The following SMIM31 variants were observed in gnomAD, a reference collection of about 807,000 sequenced individuals.
SMIM31 encodes small integral membrane protein 31.
At chr4:164,784,649 T>C (rs906444549) in intron 2 of SMIM31, among the ~76,000 whole-genome samples, 1 of 152,176 alleles carries the variant, frequency 6.6e-6, no homozygotes, top group Admixed American at 6.5e-5. Flanking sequence ...CCTACAGTGC[T>C]GAAATGGAAA....
At chr4:164,798,234 T>TA (rs1056011959) in intron 2 of SMIM31, among the ~76,000 whole-genome samples, 63 of 148,970 alleles carry the variant, frequency 4.2e-4, no homozygotes, top group East Asian at 1.4e-3. Flanking sequence ...ATTTTTATTT[T>TA]TTTTTTTTAT....
intron 2 of SMIM31, among the ~76,000 whole-genome samples, chr4:164,775,125 C>A (rs1326553632): frequency 6.6e-6 from 1 of 152,178 alleles, no homozygotes; most frequent in Non-Finnish European, 1.5e-5. Context: ...ATTCCACCAA[C>A]CTTTTATTTT....
chr4:164,779,455 T>C (rs1378504717), intron 2 of SMIM31, among the ~76,000 whole-genome samples: 1 of 152,224 alleles, frequency 6.6e-6, no homozygotes, highest in Non-Finnish European at 1.5e-5. Flanking sequence ...AAACTGAGAT[T>C]AGTGGCCAAT....
chr4:164,788,478 CTTTTTTT>C (rs72177805), intron 2 of SMIM31, among the ~76,000 whole-genome samples: 186 of 58,174 alleles, frequency 3.2e-3, no homozygotes, highest in East Asian at 6.7e-3. Context: ...TCTAATTTTT[CTTTTTTT>C]TTTTTTTTTT....
intron 2 of SMIM31, among the ~76,000 whole-genome samples, chr4:164,791,406 T>G (rs960475412): frequency 5.9e-5 from 9 of 152,132 alleles, no homozygotes; most frequent in Non-Finnish European, 1.0e-4. Context: ...GATCTCAGCT[T>G]ACTGCAACTT....
intron 2 of SMIM31, among the ~76,000 whole-genome samples, chr4:164,792,758 G>T (rs1353109334): frequency 2.0e-5 from 3 of 151,886 alleles, no homozygotes; most frequent in East Asian, 1.9e-4. Context: ...TTTTTTTGCA[G>T]AAATAAAAAA....
chr4:164,763,709 G>T (rs1732681586), intron 1 of SMIM31, among the ~76,000 whole-genome samples: 1 of 152,152 alleles, frequency 6.6e-6, no homozygotes, highest in Non-Finnish European at 1.5e-5. Flanking sequence ...AGTACATTTA[G>T]CTTGTTCTTA....
intron 2 of SMIM31, among the ~76,000 whole-genome samples, chr4:164,797,879 C>A (rs1200770442): frequency 6.6e-6 from 1 of 152,124 alleles, no homozygotes; most frequent in Non-Finnish European, 1.5e-5. Context: ...ACCCTCACTA[C>A]TCTCCCACCC....
chr4:164,777,981 A>C (rs1732898829), intron 2 of SMIM31, among the ~76,000 whole-genome samples: 1 of 152,270 alleles, frequency 6.6e-6, no homozygotes, highest in Non-Finnish European at 1.5e-5. Context: ...TCGGTTCATA[A>C]AGAAAAATTG....
At chr4:164,795,865 C>T (rs985013278) in intron 2 of SMIM31, among the ~76,000 whole-genome samples, 7 of 152,158 alleles carry the variant, frequency 4.6e-5, no homozygotes, top group Non-Finnish European at 1.0e-4. Context: ...AACCTCTGCC[C>T]TCCAAGAAAG....
chr4:164,771,567 C>T (rs1290185828), intron 2 of SMIM31, among the ~76,000 whole-genome samples: 3 of 151,518 alleles, frequency 2.0e-5, no homozygotes, highest in East Asian at 1.9e-4. Flanking sequence ...TTTGGGAGGC[C>T]GAGGCAGGCG....
intron 2 of SMIM31, among the ~76,000 whole-genome samples, chr4:164,773,249 T>C (rs115524946): frequency 7.8e-4 from 119 of 152,264 alleles, no homozygotes; most frequent in African/African-American, 2.7e-3. Context: ...AATTTGTGAT[T>C]AGTCACTCCT....
intron 2 of SMIM31, among the ~76,000 whole-genome samples, chr4:164,784,755 C>G (rs1733004614): frequency 6.6e-6 from 1 of 152,116 alleles, no homozygotes; most frequent in Admixed American, 6.5e-5. Flanking sequence ...TGTGCCATAG[C>G]TGGGCTCATT....
chr4:164,782,373 TTTTA>T (rs201383057), intron 2 of SMIM31, among the ~76,000 whole-genome samples: 10 of 130,720 alleles, frequency 7.6e-5, no homozygotes, highest in African/African-American at 3.5e-4. Flanking sequence ...TATCTCTTTC[TTTTA>T]TTTTTTTTTT....
chr4:164,782,783 G>T (rs1732972597), intron 2 of SMIM31, among the ~76,000 whole-genome samples: 1 of 151,782 alleles, frequency 6.6e-6, no homozygotes, highest in South Asian at 2.1e-4. Flanking sequence ...GTACTGCAAG[G>T]TTTAACTAAA....
intron 2 of SMIM31, among the ~76,000 whole-genome samples, chr4:164,781,129 T>C (rs9762174): frequency 1.4e-5 from 2 of 144,450 alleles, no homozygotes; most frequent in Admixed American, 7.0e-5. Flanking sequence ...TACATTTACA[T>C]ACACACACAC....
intron 2 of SMIM31, among the ~76,000 whole-genome samples, chr4:164,772,125 A>G (rs993832549): frequency 1.3e-5 from 2 of 152,232 alleles, no homozygotes; most frequent in African/African-American, 4.8e-5. Flanking sequence ...CTGTATAGGA[A>G]GCCTAGTGGC....
At chr4:164,758,100 A>G (rs1177991998) in intron 1 of SMIM31, among the ~76,000 whole-genome samples, 1 of 152,078 alleles carries the variant, frequency 6.6e-6, no homozygotes, top group Non-Finnish European at 1.5e-5. Flanking sequence ...TTAAGTGTAT[A>G]TATCTTCTCT....
At chr4:164,757,591 C>T (rs1038721390) in intron 1 of SMIM31, among the ~76,000 whole-genome samples, 10 of 151,454 alleles carry the variant, frequency 6.6e-5, no homozygotes, top group Non-Finnish European at 1.3e-4. Context: ...ATTTATTTTT[C>T]ATATGTTGCT....
Sources: allele counts gnomAD v4.1 joint callset (sites outside exome capture counted in the v4.1 genomes callset), GRCh38; gene constraint gnomAD v4.1.1; transcripts MANE v1.5; gene names NCBI Gene and HGNC (gene_info 2026-07-23, HGNC 2026-07-21).